PCYT1A: variants seen among roughly 807,000 people sequenced by gnomAD.
PCYT1A encodes choline-phosphate cytidylyltransferase A.
Under a neutral mutation model 43.7 loss-of-function variants are expected in PCYT1A, and 25 were observed. The observed-to-expected ratio is 0.57, with a 90% CI of 0.42 to 0.80. The LOEUF (loss-of-function observed/expected upper bound fraction) is 0.80, where lower values mean the gene tolerates loss of function less well. Among genes scored for constraint, PCYT1A ranks in the 30% least tolerant of loss-of-function variants. PCYT1A has a pLI of 0.00. For synonymous variants in PCYT1A, 172 were observed against 170.7 expected (o/e 1.01, Z -0.06); for missense variants, 421 against 474.2 (o/e 0.89, Z 1.04).
intron 1 of PCYT1A, among the ~76,000 whole-genome samples, chr3:196,286,149 G>A (rs771632792): frequency 5.1e-5 from 7 of 138,550 alleles, no homozygotes; most frequent in East Asian, 2.2e-4. Flanking sequence ...TGCAACCACC[G>A]CCTCCTGGGT....
At chr3:196,249,877 T>C (rs1355413112) in intron 3 of PCYT1A, among the ~76,000 whole-genome samples, 1 of 150,778 alleles carries the variant, frequency 6.6e-6, no homozygotes, top group Non-Finnish European at 1.5e-5. Flanking sequence ...AGATACACTA[T>C]GCTGAGGCTG....
rs1379233583 is a variant in PCYT1A, at chr3:196,235,698, C to G, written c.*2990G>C. 6.6e-6 allele frequency: 1 copy of G among 152,278 alleles called. No homozygotes were observed. Among genetic ancestry groups the G allele is most frequent in the Non-Finnish European group, 1.5e-5 (1 of 68,064 alleles). The allele number at this position is 152,278 out of a possible 1,614,324, so 9.4% of individuals were successfully genotyped here. On this transcript the variant is annotated 3_prime_UTR_variant, in exon 9 of 9. Transcript: ENST00000431016. This position sits in a 1 kb window ranked among gnomAD's most constrained non-coding sequence, Gnocchi z 4.3. ...CTAAGGCCAACACTTCTGGCTCTCT[C>G]ATCTTGGCCACATTTGGCCCACCCA...
intron 2 of PCYT1A, 22 bp downstream of exon 2, chr3:196,270,393 T>G (rs1305749668): frequency 6.9e-7 from 1 of 1,453,286 alleles, no homozygotes; most frequent in East Asian, 2.3e-5. Flanking sequence ...ACCCTCCCCC[T>G]GCCAGGTTAA....
intron 1 of PCYT1A, among the ~76,000 whole-genome samples, chr3:196,286,872 CCACTGCGCT>C (rs1393107290): frequency 6.6e-6 from 1 of 152,202 alleles, no homozygotes; most frequent in Non-Finnish European, 1.5e-5. Context: ...TGAGATCGCG[CCACTGCGCT>C]CCAGCCTGGG....
intron 1 of PCYT1A, among the ~76,000 whole-genome samples, chr3:196,279,014 G>T (rs909782682): frequency 2.3e-4 from 34 of 149,316 alleles, no homozygotes; most frequent in African/African-American, 6.6e-4. Context: ...TAGGCCAGGT[G>T]TGGTGGCTCA....
chr3:196,252,074 G>T lies in PCYT1A; in HGVS notation c.218-3751C>A, dbSNP rs1341923797. On this transcript the variant is annotated intron_variant, in intron 3 of 8. Coordinates refer to ENST00000431016, the MANE Select transcript of PCYT1A (RefSeq NM_001312673.2). This position sits in a 1 kb window ranked among gnomAD's most constrained non-coding sequence, Gnocchi z 4.0. ...ACAGCGCACACCACCACGCCCCGCTGACTACAGCGCACCCCGCCACGCCCC... is the reference window on the plus strand; with the variant it reads ...ACAGCGCACACCACCACGCCCCGCTTACTACAGCGCACCCCGCCACGCCCC... Among the ~76,000 whole-genome samples, 2 of 149,840 alleles carry T rather than the reference G, an allele frequency of 1.3e-5. No homozygotes were observed. Among genetic ancestry groups the T allele is most frequent in the East Asian group, 4.3e-4 (2 of 4,618 alleles).
At chr3:196,246,502 C>T (rs1724574670) in intron 5 of PCYT1A, among the ~76,000 whole-genome samples, 1 of 152,026 alleles carries the variant, frequency 6.6e-6, no homozygotes. Context: ...TCCCAAAGTG[C>T]TTGGATTACA....
At position 196,259,911 on chromosome 3, in the gene PCYT1A, CTTTTTTTTTTTTTTT is replaced by C. The variant is rs779918737; in HGVS notation, c.118-2039_118-2025del. 1.8e-4 allele frequency among the ~76,000 whole-genome samples: 9 copies of C among 48,964 alleles called. No homozygotes were observed. In the East Asian group the frequency reaches 3.9e-3, roughly 21 times the overall value. 32.1% of individuals were successfully genotyped at this position (48,964 alleles called of 152,430 possible). On this transcript the variant is annotated intron_variant, in intron 2 of 8. Coordinates refer to ENST00000431016, the MANE Select transcript of PCYT1A (RefSeq NM_001312673.2). ...ACTTAATGATATAAATGGAAACATTCTTTTTTTTTTTTTTTTTTTTTTTTTTTTTGAGGCAAAGTC... is the reference window on the plus strand; with the variant it reads ...ACTTAATGATATAAATGGAAACATTCTTTTTTTTTTTTTTGAGGCAAAGTC...
chr3:196,248,383 T>C, intron 3 of PCYT1A, 60 bp from the exon 4 acceptor site: 3 of 1,069,508 alleles, frequency 2.8e-6, no homozygotes, highest in South Asian at 2.5e-5. Context: ...TTTTTATTTT[T>C]ATTTTTGAGG....
chr3:196,260,609 G>A (rs530034898), intron 2 of PCYT1A, among the ~76,000 whole-genome samples: 3 of 152,176 alleles, frequency 2.0e-5, no homozygotes, highest in South Asian at 2.1e-4. Context: ...TTGGGAGGCC[G>A]AGGCGGGTAG....
chr3:196,244,815 A>G (rs1724505626), intron 5 of PCYT1A, among the ~76,000 whole-genome samples: 1 of 152,098 alleles, frequency 6.6e-6, no homozygotes, highest in Non-Finnish European at 1.5e-5. Flanking sequence ...TCTCTGAAAC[A>G]TGTGCTGTGT....
chr3:196,246,140 C>T (rs1184291776), intron 5 of PCYT1A, among the ~76,000 whole-genome samples: 1 of 152,098 alleles, frequency 6.6e-6, no homozygotes, highest in Non-Finnish European at 1.5e-5. Flanking sequence ...TGTAGAAAAG[C>T]CAGAGAATTA....
Position 196,270,409 on chromosome 3 carries a change from A to G in PCYT1A, c.117+6T>C. On this transcript the variant is annotated splice_donor_region_variant and intron_variant, in intron 2 of 8. Transcript: ENST00000431016. ...CCCTCCCCCTGCCAGGTTAATCTCC[A>G]CTTACCACTGCACAGCGCTGCACTT... is the stretch of plus-strand genomic sequence containing the variant. The G allele has an allele frequency of 6.3e-7, 1 of 1,588,098 alleles. No individual in the cohort carries two copies. Among genetic ancestry groups the G allele is most frequent in the Non-Finnish European group, 8.6e-7 (1 of 1,156,366 alleles).
At chr3:196,257,412 G>A (rs996967456) in intron 3 of PCYT1A, among the ~76,000 whole-genome samples, 4 of 152,148 alleles carry the variant, frequency 2.6e-5, no homozygotes, top group African/African-American at 4.8e-5. Context: ...CTGACAGAAC[G>A]TAGAGAGGTG....
At chr3:196,259,911 C>CT (rs779918737) in intron 2 of PCYT1A, among the ~76,000 whole-genome samples, 2,666 of 49,026 alleles carry the variant, frequency 0.054, 856 homozygotes, top group African/African-American at 0.062. Flanking sequence ...TGGAAACATT[C>CT]TTTTTTTTTT....
Position 196,257,864 on chromosome 3 carries a change from A to C in PCYT1A, c.141T>G (p.Phe47Leu). The C allele has an allele frequency of 6.2e-7, 1 of 1,613,514 alleles. No homozygotes were observed. The highest frequency in any genetic ancestry group is 1.1e-5 in the South Asian group (1 of 91,046). ...CAVGLRQPAP[F>L]SDEIEVDFSK... ...TAAAGTCAACTTCAATTTCATCAGA[A>C]AAAGGAGCTGGTTGCCGTAAGCCCT... The change falls in exon 3 of 9, where the codon TTT (phenylalanine) becomes TTG (leucine). Residue 47 changes from phenylalanine (F) to leucine (L), a missense_variant. Physicochemically the swap from Phe to Leu is conservative, Grantham distance 22. Transcript: ENST00000431016.
chr3:196,274,271 C>T (rs1046240907), intron 1 of PCYT1A, among the ~76,000 whole-genome samples: 1 of 152,214 alleles, frequency 6.6e-6, no homozygotes, highest in Non-Finnish European at 1.5e-5. Context: ...CGGCTGCTCC[C>T]GCCCTGCCAA....
At chr3:196,286,770 C>T (rs764602875) in intron 1 of PCYT1A, among the ~76,000 whole-genome samples, 1 of 152,106 alleles carries the variant, frequency 6.6e-6, no homozygotes, top group Non-Finnish European at 1.5e-5. Context: ...AAAAATTAGC[C>T]GGGCGTGGTG....
At chr3:196,265,862 C>T (rs939815103) in intron 2 of PCYT1A, among the ~76,000 whole-genome samples, 2 of 152,010 alleles carry the variant, frequency 1.3e-5, no homozygotes, top group African/African-American at 4.8e-5. Context: ...CTTCAGCCTC[C>T]TGAGTAGCTG....
Sources: allele counts gnomAD v4.1 joint callset (sites outside exome capture counted in the v4.1 genomes callset), GRCh38; gene constraint gnomAD v4.1.1; non-coding constraint Gnocchi (gnomAD v3.1); transcripts MANE v1.5; gene names NCBI Gene and HGNC (gene_info 2026-07-23, HGNC 2026-07-21).